The following NUB1 variants were observed in gnomAD, a reference collection of about 807,000 sequenced individuals.
The protein encoded by NUB1 is NEDD8 ultimate buster 1.
A neutral mutation model predicts 77.1 loss-of-function variants in NUB1; 41 were observed. The observed-to-expected ratio is 0.53, with a 90% CI of 0.41 to 0.69. The LOEUF is 0.69. Among genes scored for constraint, NUB1 ranks in the 30% least tolerant of loss-of-function variants. NUB1 has a pLI of 0.00. For missense variants in NUB1, 643 were observed against 743.8 expected (o/e 0.86, Z 1.58); for synonymous variants, 257 against 281.0 (o/e 0.91, Z 0.85).
chr7:151,355,834 C>T lies in NUB1; in HGVS notation c.482C>T (p.Ser161Phe). ...GCGATGGTGCTTGAACTAAAACAAT[C>T]TGAAGAGGACGCGAGGAAAAACTTC... ...VKAMVLELKQ[S>F]EEDARKNFQL... is the part of the protein sequence containing the mutation. Residue 161 changes from serine to phenylalanine, a missense_variant, in exon 6 of 15, where the codon TCT becomes TTT. Physicochemically the swap from Ser to Phe is radical, Grantham distance 155 (BLOSUM62 -2). Transcript: ENST00000568733. 5 of 1,611,610 alleles carry T rather than the reference C, an allele frequency of 3.1e-6. No individual in the cohort carries two copies. The highest frequency in any genetic ancestry group is 3.4e-6 in the Non-Finnish European group (4 of 1,178,740).
intron 5 of NUB1, 125 bp downstream of exon 5, chr7:151,353,007 TAGA>T: frequency 1.7e-6 from 1 of 592,046 alleles, no homozygotes; most frequent in Non-Finnish European, 3.0e-6. Context: ...AAAAGTGATT[TAGA>T]AGTTTACTAA....
In NUB1 at chr7:151,368,827, C is replaced by T; in HGVS notation, c.1188C>T (p.Gly396=). The T allele has an allele frequency of 1.9e-6, 3 of 1,614,026 alleles. No individual in the cohort carries two copies. The highest frequency in any genetic ancestry group is 2.5e-6 in the Non-Finnish European group (3 of 1,179,894). ...LGFTAQEARL[G]LRACDGNVDH... is the part of the protein sequence containing the mutation. Reference sequence around the variant, plus strand: ...TTACTGCCCAGGAAGCCCGGCTTGGCCTGAGGGCGTGTGATGGGAACGTGG... The same window carrying T: ...TTACTGCCCAGGAAGCCCGGCTTGGTCTGAGGGCGTGTGATGGGAACGTGG... The change falls in exon 11 of 15, where the codon GGC becomes GGT. Residue 396 remains glycine (G), a synonymous_variant. Coordinates refer to ENST00000568733, the MANE Select transcript of NUB1 (RefSeq NM_001243351.2).
chr7:151,344,870 CA>C (rs1796412984), intron 1 of NUB1, among the ~76,000 whole-genome samples: 1 of 152,062 alleles, frequency 6.6e-6, no homozygotes. Context: ...CGTGGTGGCG[CA>C]TGCCTGTAAT....
chr7:151,372,888 G>A lies in NUB1; in HGVS notation c.1249-1209G>A, dbSNP rs545228643. ...TGAAGGGGAAGCAAAGGGAGCTGGCGCTGTGGGCACTCCAGGGCCACACCA... is the reference window on the plus strand; with the variant it reads ...TGAAGGGGAAGCAAAGGGAGCTGGCACTGTGGGCACTCCAGGGCCACACCA... On this transcript the variant is annotated intron_variant, in intron 11 of 14. Transcript: ENST00000568733. Among the ~76,000 whole-genome samples the A allele has an allele frequency of 6.9e-4, 105 of 152,188 alleles. 1 individual carries two copies. The highest frequency in any genetic ancestry group is 2.2e-3 in the African/African-American group (93 of 41,518).
At chr7:151,348,250 T>C (rs756235462) in intron 2 of NUB1, among the ~76,000 whole-genome samples, 35 of 152,204 alleles carry the variant, frequency 2.3e-4, no homozygotes, top group Non-Finnish European at 4.3e-4. Flanking sequence ...TTCTTTTTTT[T>C]CTCAATTCTA....
At chr7:151,354,353 AC>A (rs1214822872) in intron 5 of NUB1, among the ~76,000 whole-genome samples, 1 of 147,782 alleles carries the variant, frequency 6.8e-6, no homozygotes, top group Non-Finnish European at 1.5e-5. Context: ...AGATGGCTTA[AC>A]CACTGGTGGA....
chr7:151,345,184 A>G (rs1163224918), intron 1 of NUB1, among the ~76,000 whole-genome samples, 164 bp from the exon 2 acceptor site: 1 of 151,842 alleles, frequency 6.6e-6, no homozygotes, highest in Non-Finnish European at 1.5e-5. Flanking sequence ...ATTTCTATAT[A>G]TATTTTTAGA....
At chr7:151,370,289 A>C (rs1442175317) in intron 11 of NUB1, among the ~76,000 whole-genome samples, 1 of 151,944 alleles carries the variant, frequency 6.6e-6, no homozygotes, top group Non-Finnish European at 1.5e-5. Context: ...GGGTTTTACC[A>C]ATTTGGCCAG....
chr7:151,366,619 G>A (rs1222496623), intron 8 of NUB1, among the ~76,000 whole-genome samples: 3 of 152,208 alleles, frequency 2.0e-5, no homozygotes, highest in Admixed American at 6.5e-5. Flanking sequence ...GGTCTTCCCC[G>A]TATTTGCTGA....
chr7:151,348,933 C>T (rs1563010795), intron 2 of NUB1, 140 bp from the exon 3 acceptor site: 4 of 695,848 alleles, frequency 5.7e-6, no homozygotes, highest in Non-Finnish European at 7.3e-6. Context: ...CTCAAGATGT[C>T]AAACCACAGT....
In NUB1 at chr7:151,346,954, G is replaced by C. The variant is rs1584934542; in HGVS notation, c.117+1488G>C. Reference sequence around the variant, plus strand: ...AAGTTAGGGCTTTTTTGTGGGCTGAGCCCTTAAACCTGTGGAGTCTAACGC... The same window carrying C: ...AAGTTAGGGCTTTTTTGTGGGCTGACCCCTTAAACCTGTGGAGTCTAACGC... On this transcript the variant is annotated intron_variant, in intron 2 of 14. Transcript: ENST00000568733. Among the ~76,000 whole-genome samples, 7 of 152,216 alleles carry C rather than the reference G, an allele frequency of 4.6e-5. No individual in the cohort carries two copies. In the South Asian group the frequency reaches 1.4e-3, roughly 32 times the overall value.
intron 3 of NUB1, 27 bp from the exon 4 acceptor site, chr7:151,351,397 C>T (rs761857903): frequency 2.6e-6 from 4 of 1,548,994 alleles, no homozygotes; most frequent in African/African-American, 2.7e-5. Flanking sequence ...AATTCAAGTA[C>T]GTTTTACTTT....
Position 151,376,651 on chromosome 7 carries a change from T to C in NUB1, c.1509T>C (p.Phe503=). The change falls in exon 14 of 15, where the codon TTT becomes TTC. Residue 503 remains phenylalanine (F), a synonymous_variant. Transcript: ENST00000568733. ...TCCCCTAGTTGGTGTACATGGGTTT[T>C]GATGCACTCGTGGCCGAAGCTGCGC... is the stretch of plus-strand genomic sequence containing the variant. The part of the protein sequence containing the change: ...ENIDRLVYMG[F]DALVAEAALR... The C allele has an allele frequency of 6.2e-7, 1 of 1,611,348 alleles. No individual in the cohort carries two copies. The highest frequency in any genetic ancestry group is 8.5e-7 in the Non-Finnish European group (1 of 1,178,922).
chr7:151,376,500 C>T, intron 13 of NUB1, 134 bp from the exon 14 acceptor site: 1 of 848,662 alleles, frequency 1.2e-6, no homozygotes. Flanking sequence ...AGAAGCATGA[C>T]TTGTGCACAA....
Position 151,367,137 on chromosome 7 carries a change from G to T in NUB1, c.987+12G>T. ...TGGTCCACATAAAAGTATGTTCCTG[G>T]AATTCATCTTATGTCTCGTTGAGTC... On this transcript the variant is annotated intron_variant, in intron 9 of 14. Coordinates refer to ENST00000568733, the MANE Select transcript of NUB1 (RefSeq NM_001243351.2). The T allele has an allele frequency of 6.2e-7, 1 of 1,602,524 alleles. No individual in the cohort carries two copies. The highest frequency in any genetic ancestry group is 8.5e-7 in the Non-Finnish European group (1 of 1,171,674).
At chr7:151,343,900 G>A (rs529169633) in intron 1 of NUB1, among the ~76,000 whole-genome samples, 16 of 152,126 alleles carry the variant, frequency 1.1e-4, no homozygotes, top group Non-Finnish European at 1.5e-4. Flanking sequence ...TGAATAGTAG[G>A]GCCAGGCGCG....
Position 151,362,311 on chromosome 7 carries a change from G to T in NUB1, c.800+2064G>T, listed in dbSNP as rs189752402. 3.3e-3 allele frequency among the ~76,000 whole-genome samples: 503 copies of T among 151,962 alleles called. 4 individuals carry two copies. The highest frequency in any genetic ancestry group is 0.011 in the African/African-American group (435 of 41,426). ...CTGGCCAACTTGTTAGCATATTTTT[G>T]TGTGTGTGTGATTTCTCTCTTTTCA... is the stretch of plus-strand genomic sequence containing the variant. On this transcript the variant is annotated intron_variant, in intron 8 of 14. Transcript: ENST00000568733.
At position 151,367,049 on chromosome 7, in the gene NUB1, A is replaced by G; in HGVS notation, c.911A>G (p.Glu304Gly). The change falls in exon 9 of 15, where the codon GAA becomes GGA. Residue 304 changes from glutamate (E) to glycine (G), a missense_variant. Coordinates refer to ENST00000568733, the MANE Select transcript of NUB1 (RefSeq NM_001243351.2). ...LEQLECLDDA[E>G]KKLNLAQKCF... ...CAGCTGGAATGCCTTGATGATGCAG[A>G]AAAAAAATTAAACTTGGCCCAGAAA... 1.2e-6 allele frequency: 2 copies of G among 1,613,446 alleles called. No individual in the cohort carries two copies. The highest frequency in any genetic ancestry group is 1.7e-6 in the Non-Finnish European group (2 of 1,179,540).
At chr7:151,352,741 C>A in intron 4 of NUB1, 71 bp from the exon 5 acceptor site, 1 of 992,254 alleles carries the variant, frequency 1.0e-6, no homozygotes, top group Non-Finnish European at 1.6e-6. Flanking sequence ...CCGGGCCTGG[C>A]TAATGTCTTT....
Sources: gnomAD v4.1 joint callset for allele counts (sites outside exome capture counted in the v4.1 genomes callset) on GRCh38, gnomAD v4.1.1 for gene constraint, MANE v1.5 for transcripts, NCBI Gene and HGNC (gene_info 2026-07-23, HGNC 2026-07-21) for gene names.